AGTPBP1: variants seen among roughly 807,000 people sequenced by gnomAD.
AGTPBP1 encodes ATP/GTP binding carboxypeptidase 1.
In AGTPBP1, 70 loss-of-function variants were observed where a neutral mutation model predicts 143.9. The ratio of observed to expected loss-of-function variants is 0.49; its 90% CI spans 0.40 to 0.59. AGTPBP1 has a LOEUF of 0.59. AGTPBP1 is among the 20% of genes least tolerant of loss of function. The pLI, the probability that AGTPBP1 is intolerant of heterozygous loss-of-function variation, is 0.00. For missense variants in AGTPBP1, 1,229 were observed against 1,464.5 expected, an observed-to-expected ratio of 0.84 and a Z score of 2.62; for synonymous variants, 463 against 500.2, an observed-to-expected ratio of 0.93 and a Z score of 0.99.
the AGTPBP1 span, among the ~76,000 whole-genome samples, chr9:85,754,830 T>C: frequency 6.6e-6 from 1 of 152,158 alleles, no homozygotes; most frequent in Non-Finnish European, 1.5e-5. Context: ...AGTTGTAATT[T>C]TTTAGGTTTT....
At chr9:85,721,490 C>CTTTTT (rs56681803) in intron 1 of AGTPBP1, among the ~76,000 whole-genome samples, 2 of 133,188 alleles carry the variant, frequency 1.5e-5, no homozygotes, top group Non-Finnish European at 1.6e-5. Flanking sequence ...GCAACCCCTG[C>CTTTTT]TTTTTTTTTT....
At chr9:85,596,324 G>T (rs372210443) in intron 18 of AGTPBP1, 38 bp downstream of exon 18, 61 of 1,416,650 alleles carry the variant, frequency 4.3e-5, no homozygotes, top group Non-Finnish European at 5.6e-5. Context: ...ACTGCCTTCT[G>T]TAAGCTGACA....
intron 14 of AGTPBP1, among the ~76,000 whole-genome samples, chr9:85,621,659 G>T (rs1830945880): frequency 6.6e-6 from 1 of 152,104 alleles, no homozygotes; most frequent in African/African-American, 2.4e-5. Flanking sequence ...ATAAAGATGT[G>T]AAAAGCCAGA....
chr9:85,613,061 GAA>G (rs1222487087), intron 17 of AGTPBP1, among the ~76,000 whole-genome samples: 3 of 151,858 alleles, frequency 2.0e-5, no homozygotes, highest in African/African-American at 7.3e-5. Flanking sequence ...GAAAGAATGA[GAA>G]AAGTCTTCAC....
intron 2 of AGTPBP1, among the ~76,000 whole-genome samples, chr9:85,693,940 G>A (rs1294221150): frequency 6.6e-6 from 1 of 152,094 alleles, no homozygotes; most frequent in Non-Finnish European, 1.5e-5. Flanking sequence ...GAAAAACGGA[G>A]GCACAAGCTC....
chr9:85,597,683 C>A (rs755747023), intron 17 of AGTPBP1, among the ~76,000 whole-genome samples: 7 of 152,056 alleles, frequency 4.6e-5, no homozygotes, highest in African/African-American at 7.2e-5. Context: ...AGTAGTTCCA[C>A]CATAATTTTT....
chr9:85,772,879 A>G, the AGTPBP1 span, among the ~76,000 whole-genome samples: 1 of 152,198 alleles, frequency 6.6e-6, no homozygotes, highest in African/African-American at 2.4e-5. Flanking sequence ...CTTAGACTAG[A>G]GAAATAAAGT....
chr9:85,621,773 G>A (rs1480633118), intron 14 of AGTPBP1, among the ~76,000 whole-genome samples: 1 of 152,150 alleles, frequency 6.6e-6, no homozygotes, highest in East Asian at 1.9e-4. Flanking sequence ...CTCTTTTGTG[G>A]TGGGAAAGGA....
intron 4 of AGTPBP1, among the ~76,000 whole-genome samples, chr9:85,679,345 A>T (rs1480575484): frequency 1.3e-5 from 2 of 152,122 alleles, no homozygotes; most frequent in African/African-American, 4.8e-5. Flanking sequence ...AACTGAGCAT[A>T]GCCTTTACAT....
At position 85,550,190 on chromosome 9, in the gene AGTPBP1, T is replaced by C. The variant is rs560109423; in HGVS notation, c.3504-2904A>G. 2.5e-5 allele frequency among the ~76,000 whole-genome samples: 3 copies of C among 122,128 alleles called. No homozygotes were observed. In the South Asian group the frequency reaches 7.9e-4, roughly 32 times the overall value. 80.1% of individuals were successfully genotyped at this position (122,128 alleles called of 152,430 possible). A position where few individuals can be genotyped will look rare whatever the true frequency, so the allele number is the denominator to read the frequency against. ...GTACAAGAGTTTGTGAGTGTGTGTG[T>C]GTGTGAGAGAGAGAGAGAGAGAGAG... On this transcript the variant is annotated intron_variant, in intron 25 of 25. Coordinates refer to ENST00000357081, the MANE Select transcript of AGTPBP1 (RefSeq NM_001330701.2).
the AGTPBP1 span, among the ~76,000 whole-genome samples, chr9:85,771,409 G>A: frequency 6.6e-6 from 1 of 152,152 alleles, no homozygotes. Context: ...CCAGCAATTT[G>A]AGTTTGTAGT....
chr9:85,701,793 G>T (rs1390020050), intron 2 of AGTPBP1, among the ~76,000 whole-genome samples: 1 of 152,068 alleles, frequency 6.6e-6, no homozygotes, highest in Admixed American at 6.6e-5. Flanking sequence ...TTACCAATAG[G>T]TCAATTAGGA....
intron 23 of AGTPBP1, among the ~76,000 whole-genome samples, chr9:85,580,297 T>C (rs1021882304): frequency 1.3e-5 from 2 of 152,196 alleles, no homozygotes; most frequent in East Asian, 3.9e-4. Flanking sequence ...ATTTTTTGTT[T>C]ATGATGTGTA....
At chr9:85,621,058 A>G (rs1342692026) in intron 15 of AGTPBP1, 144 bp downstream of exon 15, 5 of 382,140 alleles carry the variant, frequency 1.3e-5, no homozygotes, top group African/African-American at 4.2e-5. Context: ...ATTAAGTCAC[A>G]ACTAGTTATA....
rs755689203 is a variant in AGTPBP1, at chr9:85,575,383, C to T, written c.3435G>A (p.Glu1145=). ...CAAGCAGGCTGGAAGGCAGATTATA[C>T]TCCAATGGAGAGGTCAGTCTTTTCA... ...LRLKRLTSPL[E]YNLPSSLLDF... is the part of the protein sequence containing the mutation. The change falls in exon 25 of 26, where the codon GAG becomes GAA. Residue 1145 remains glutamate, a synonymous_variant. Transcript: ENST00000357081. 3.7e-6 allele frequency: 6 copies of T among 1,609,684 alleles called. No homozygotes were observed. Among genetic ancestry groups the T allele is most frequent in the Middle Eastern group, 1.7e-4 (1 of 6,044 alleles).
the AGTPBP1 span, among the ~76,000 whole-genome samples, chr9:85,748,383 C>T: frequency 3.9e-5 from 6 of 152,296 alleles, no homozygotes; most frequent in South Asian, 2.1e-4. Flanking sequence ...GGTCTCTGCC[C>T]TCTTCTATAC....
At chr9:85,706,891 A>AT (rs1837046463) in intron 2 of AGTPBP1, among the ~76,000 whole-genome samples, 1 of 152,186 alleles carries the variant, frequency 6.6e-6, no homozygotes, top group South Asian at 2.1e-4. Context: ...AAATAAATAA[A>AT]TAGGATCTAA....
At chr9:85,804,275 C>T in the AGTPBP1 span, among the ~76,000 whole-genome samples, 2 of 152,266 alleles carry the variant, frequency 1.3e-5, no homozygotes, top group South Asian at 4.2e-4. Flanking sequence ...TTTGCTCTTT[C>T]CCCAACACAA....
At position 85,741,369 on chromosome 9, in the gene AGTPBP1, G is replaced by A. The variant is rs1824255119; in HGVS notation, c.-34+406C>T. 7 of 985,204 alleles carry A rather than the reference G, an allele frequency of 7.1e-6. No individual in the cohort carries two copies. The African/African-American group carries it at 1.0e-4, about 15-fold the overall frequency. The allele number at this position is 985,204 out of a possible 1,614,324, so 61.0% of individuals were successfully genotyped here. ...ACTGGGGCGGGGGAGAGCGGGGCTG[G>A]GCGCGCCCGCCCCCGGCCCTGCAGC... On this transcript the variant is annotated intron_variant, in intron 1 of 25. Coordinates refer to ENST00000357081, the MANE Select transcript of AGTPBP1 (RefSeq NM_001330701.2).
Sources: allele counts gnomAD v4.1 joint callset (sites outside exome capture counted in the v4.1 genomes callset), GRCh38; gene constraint gnomAD v4.1.1; transcripts MANE v1.5; gene names NCBI Gene and HGNC (gene_info 2026-07-23, HGNC 2026-07-21).